Variants in AMZ2 observed in about 807,000 individuals in gnomAD.
AMZ2 encodes archaemetzincin-2.
Under a neutral mutation model 36.7 loss-of-function variants are expected in AMZ2, and 26 were observed. The ratio of observed to expected loss-of-function variants is 0.71; its 90% confidence interval spans 0.52 to 0.98. The LOEUF (loss-of-function observed/expected upper bound fraction) is 0.98. Ranked by LOEUF, AMZ2 falls within the 50% of genes least tolerant of loss-of-function variation. The pLI is 0.00. For missense variants in AMZ2, 394 were observed against 430.5 expected, an observed-to-expected ratio of 0.92 and a Z score of 0.75; for synonymous variants, 144 against 149.1, an observed-to-expected ratio of 0.97 and a Z score of 0.25.
At chr17:68,256,643 C>T (rs2144790751) in intron 6 of AMZ2, among the ~76,000 whole-genome samples, 171 bp from the exon 7 acceptor site, 1 of 152,272 alleles carries the variant, frequency 6.6e-6, no homozygotes, top group Middle Eastern at 3.4e-3. Flanking sequence ...TGGTACGTGC[C>T]ATTTCACTCA....
At chr17:68,253,028 G>T (rs1555740641) in intron 4 of AMZ2, among the ~76,000 whole-genome samples, 1 of 152,116 alleles carries the variant, frequency 6.6e-6, no homozygotes, top group African/African-American at 2.4e-5. Flanking sequence ...TTAACACAGT[G>T]GTCTTGTTTT....
Position 68,207,796 on chromosome 17 carries a change from G to T in AMZ2, c.-67+1558G>T, listed in dbSNP as rs560099935. Among the ~76,000 whole-genome samples the T allele has an allele frequency of 1.3e-3, 198 of 152,350 alleles. 2 individuals are homozygous for T. The Middle Eastern group carries it at 0.024, about 18-fold the overall frequency. ...TTCAGCCCGCCACTGTACTGTGGGA[G>T]CCCCTTTCTGGGCTGGCCAAGGCTG... On this transcript the variant is annotated intron_variant, in intron 1 of 7. Coordinates refer to the AMZ2 transcript ENST00000674770.
intron 1 of AMZ2, among the ~76,000 whole-genome samples, chr17:68,212,679 A>G (rs2144492930): frequency 6.6e-6 from 1 of 152,010 alleles, no homozygotes; most frequent in South Asian, 2.1e-4. Context: ...CGATACTCCC[A>G]CCTCAGCCTA....
intron 1 of AMZ2, among the ~76,000 whole-genome samples, chr17:68,233,169 A>G (rs782715239): frequency 1.3e-5 from 2 of 152,206 alleles, no homozygotes; most frequent in Admixed American, 6.5e-5. Context: ...AGGGACCATT[A>G]GGGTCATCAA....
chr17:68,209,610 G>GTATATA (rs71142140), intron 1 of AMZ2, among the ~76,000 whole-genome samples: 5 of 108,800 alleles, frequency 4.6e-5, no homozygotes, highest in Non-Finnish European at 5.1e-5. Flanking sequence ...GTGTGTATAT[G>GTATATA]TATATATATA....
rs55937321 is a variant in AMZ2, at chr17:68,221,209, T to TCCC, written c.-67+14978_-67+14980dup. Among the ~76,000 whole-genome samples the TCCC allele has an allele frequency of 2.7e-3, 182 of 66,774 alleles. 8 individuals are homozygous for TCCC. Among genetic ancestry groups the TCCC allele is most frequent in the Middle Eastern group, 7.9e-3 (1 of 126 alleles). The allele number at this position is 66,774 out of a possible 152,430, so 43.8% of individuals were successfully genotyped here. ...TGATCTTCCTGCCTCAGCCCTCAGC[T>TCCC]CCCCCCCCCGCCCCCCCGGTAGCTA... On this transcript the variant is annotated intron_variant, in intron 1 of 7. Transcript: ENST00000674770.
chr17:68,241,075 G>C (rs771154699), intron 1 of AMZ2, among the ~76,000 whole-genome samples: 13 of 152,100 alleles, frequency 8.5e-5, no homozygotes, highest in Non-Finnish European at 1.8e-4. Flanking sequence ...TGTAGTCCTA[G>C]GAACAGCTAT....
At chr17:68,230,383 G>A (rs12602076) in intron 1 of AMZ2, among the ~76,000 whole-genome samples, 24,020 of 152,110 alleles carry the variant, frequency 0.16, 1,981 homozygotes, top group East Asian at 0.29. Context: ...CTCCTGCCCT[G>A]TTCTTCATCC....
chr17:68,238,004 T>G (rs557300614), intron 1 of AMZ2, among the ~76,000 whole-genome samples: 49 of 152,300 alleles, frequency 3.2e-4, no homozygotes, highest in African/African-American at 1.1e-3. Context: ...CATATTTGTC[T>G]TATTCAGACC....
chr17:68,241,106 C>T (rs1284188447), intron 1 of AMZ2, among the ~76,000 whole-genome samples: 1 of 151,306 alleles, frequency 6.6e-6, no homozygotes, highest in Admixed American at 6.6e-5. Flanking sequence ...CATGGACAAC[C>T]AGTATAGATA....
intron 4 of AMZ2, among the ~76,000 whole-genome samples, chr17:68,253,378 A>G (rs1302426587): frequency 6.6e-6 from 1 of 152,244 alleles, no homozygotes; most frequent in African/African-American, 2.4e-5. Context: ...AAAAGTGATC[A>G]TGTAAACAAG....
chr17:68,208,238 C>A (rs1340511437), intron 1 of AMZ2, among the ~76,000 whole-genome samples: 1 of 152,188 alleles, frequency 6.6e-6, no homozygotes, highest in Non-Finnish European at 1.5e-5. Context: ...CACCTGCGGC[C>A]CCAGTGCGGG....
intron 1 of AMZ2, among the ~76,000 whole-genome samples, chr17:68,215,879 A>G (rs1321180134): frequency 2.6e-5 from 4 of 151,624 alleles, no homozygotes; most frequent in African/African-American, 9.7e-5. Context: ...GGCCAGATAC[A>G]GACCAAAGGT....
intron 1 of AMZ2, among the ~76,000 whole-genome samples, chr17:68,223,262 A>G (rs12941495): frequency 6.6e-6 from 1 of 151,500 alleles, no homozygotes; most frequent in Non-Finnish European, 1.5e-5. Flanking sequence ...AGTTTCGAAG[A>G]CTGGGCTTGA....
intron 1 of AMZ2, among the ~76,000 whole-genome samples, chr17:68,209,100 C>G (rs1260160037): frequency 3.9e-5 from 6 of 151,968 alleles, no homozygotes; most frequent in Non-Finnish European, 1.5e-5. Flanking sequence ...TCCGGGGAGG[C>G]TGTATGGAGA....
intron 1 of AMZ2, among the ~76,000 whole-genome samples, chr17:68,215,875 A>C (rs1205301230): frequency 6.6e-6 from 1 of 151,566 alleles, no homozygotes; most frequent in Non-Finnish European, 1.5e-5. Flanking sequence ...TTTTGGCCAG[A>C]TACAGACCAA....
At chr17:68,245,036 A>C (rs1555734918), upstream of AMZ2, among the ~76,000 whole-genome samples, 1 of 152,102 alleles carries the variant, frequency 6.6e-6, no homozygotes, top group African/African-American at 2.4e-5. Flanking sequence ...ATTTGTTACC[A>C]ACTTTCTTCT....
chr17:68,256,031 CTCT>C (rs2074882201), intron 6 of AMZ2, among the ~76,000 whole-genome samples, 155 bp downstream of exon 6: 2 of 152,186 alleles, frequency 1.3e-5, no homozygotes, highest in South Asian at 4.1e-4. Flanking sequence ...TGAAGAAATG[CTCT>C]TCTTAAAAAC....
chr17:68,255,646 G>T, intron 5 of AMZ2, 54 bp from the exon 6 acceptor site: 2 of 1,551,558 alleles, frequency 1.3e-6, no homozygotes, highest in South Asian at 1.1e-5. Context: ...AAGAAGAGAC[G>T]TGTAGCCTAA....
Sources: allele counts gnomAD v4.1 joint callset (sites outside exome capture counted in the v4.1 genomes callset), GRCh38; gene constraint gnomAD v4.1.1; transcripts MANE v1.5; gene names NCBI Gene and HGNC (gene_info 2026-07-23, HGNC 2026-07-21).